The following DCLK2 variants were observed in gnomAD, a reference collection of about 807,000 sequenced individuals.
DCLK2 encodes the protein serine/threonine-protein kinase DCLK2.
A neutral mutation model predicts 78.4 loss-of-function variants in DCLK2; 31 were observed. The observed-to-expected ratio is 0.40, with a 90% CI of 0.30 to 0.53. DCLK2 has a LOEUF of 0.53. Ranked by LOEUF, DCLK2 falls within the 20% of genes least tolerant of loss-of-function variation. The pLI is 0.61. For missense variants in DCLK2, 872 were observed against 973.7 expected, an observed-to-expected ratio of 0.90 and a Z score of 1.39; for synonymous variants, 407 against 374.9, an observed-to-expected ratio of 1.09 and a Z score of -0.99.
rs890823212 is a variant in DCLK2 at position 150,195,793 on chromosome 4, T to G, written c.860-2209T>G. Reference sequence around the variant, plus strand: ...TTAGAAGTTGGTGAGAGCTATTGATTTATTCCTTCTTGATCTCGAGTTACT... The same window carrying G: ...TTAGAAGTTGGTGAGAGCTATTGATGTATTCCTTCTTGATCTCGAGTTACT... On this transcript the variant is annotated intron_variant, in intron 3 of 15. Coordinates refer to ENST00000296550, the MANE Select transcript of DCLK2 (RefSeq NM_001040260.4). 7.2e-5 allele frequency among the ~76,000 whole-genome samples: 11 copies of G among 151,792 alleles called. No homozygotes were observed. The East Asian group carries it at 2.1e-3, about 30-fold the overall frequency.
chr4:150,089,669 T>C (rs1367337610), intron 1 of DCLK2, among the ~76,000 whole-genome samples: 1 of 152,204 alleles, frequency 6.6e-6, no homozygotes, highest in Non-Finnish European at 1.5e-5. Flanking sequence ...TTTGTAAATA[T>C]AAAATTAGGT....
At chr4:150,156,532 A>G (rs896074192) in intron 2 of DCLK2, among the ~76,000 whole-genome samples, 21 of 151,036 alleles carry the variant, frequency 1.4e-4, no homozygotes, top group African/African-American at 4.6e-4. Flanking sequence ...ATAGCCGGGC[A>G]TGGTGGCACA....
chr4:150,224,647 G>A, intron 8 of DCLK2, 89 bp downstream of exon 8: 1 of 1,070,732 alleles, frequency 9.3e-7, no homozygotes, highest in Non-Finnish European at 1.4e-6. Context: ...GTGGGGACTT[G>A]ACACAACTAT....
chr4:150,236,671 G>T (rs74363038), intron 10 of DCLK2, among the ~76,000 whole-genome samples: 4,460 of 152,184 alleles, frequency 0.029, 205 homozygotes, highest in African/African-American at 0.098. Flanking sequence ...TCTAGAGAGA[G>T]ATATATGTAT....
chr4:150,106,930 T>C (rs542674219), intron 2 of DCLK2, among the ~76,000 whole-genome samples: 1 of 152,362 alleles, frequency 6.6e-6, no homozygotes, highest in African/African-American at 2.4e-5. Flanking sequence ...TTTAGGACTT[T>C]GTCTGTATTA....
In DCLK2 at chr4:150,235,293, G is replaced by A. The variant is rs1039606022; in HGVS notation, c.1566+2465G>A. Among the ~76,000 whole-genome samples the A allele has an allele frequency of 7.9e-5, 12 of 152,168 alleles. No individual in the cohort carries two copies. In the East Asian group the frequency reaches 9.6e-4, roughly 12 times the overall value. ...TAATGTATGTAAAGAATCTGACACCGCCTCCTTTTTTCTTGTCACACATCA... is the reference window on the plus strand; with the variant it reads ...TAATGTATGTAAAGAATCTGACACCACCTCCTTTTTTCTTGTCACACATCA... On this transcript the variant is annotated intron_variant, in intron 10 of 15. Transcript: ENST00000296550.
intron 8 of DCLK2, among the ~76,000 whole-genome samples, chr4:150,225,909 C>G (rs1741569775): frequency 2.0e-5 from 3 of 151,984 alleles, no homozygotes; most frequent in Admixed American, 6.6e-5. Context: ...TTATCGACAC[C>G]TAGAACATAA....
At chr4:150,100,304 A>C (rs924702589) in intron 1 of DCLK2, among the ~76,000 whole-genome samples, 1 of 152,216 alleles carries the variant, frequency 6.6e-6, no homozygotes, top group Non-Finnish European at 1.5e-5. Context: ...CAAATTAAGG[A>C]GCTTCCTTTA....
chr4:150,232,533 G>GT (rs1275703566), intron 9 of DCLK2, 77 bp downstream of exon 9: 1 of 1,563,750 alleles, frequency 6.4e-7, no homozygotes. Flanking sequence ...TCAGAAAAGT[G>GT]TATTGCTACC....
intron 2 of DCLK2, among the ~76,000 whole-genome samples, chr4:150,159,934 A>G (rs957511205): frequency 6.6e-6 from 1 of 152,090 alleles, no homozygotes. Context: ...GGTAATAAGC[A>G]AGTGTGACTT....
chr4:150,231,854 T>C (rs1452989898), intron 8 of DCLK2, among the ~76,000 whole-genome samples: 1 of 152,210 alleles, frequency 6.6e-6, no homozygotes, highest in Admixed American at 6.5e-5. Flanking sequence ...AAATTCAAAT[T>C]CATGTTAGTA....
chr4:150,098,150 A>G (rs1730599432), intron 1 of DCLK2, among the ~76,000 whole-genome samples: 2 of 152,134 alleles, frequency 1.3e-5, no homozygotes, highest in Admixed American at 1.3e-4. Flanking sequence ...AGAAGGCAGG[A>G]CAATCCTATG....
At chr4:150,093,868 G>A (rs115896344) in intron 1 of DCLK2, among the ~76,000 whole-genome samples, 3,818 of 152,188 alleles carry the variant, frequency 0.025, 77 homozygotes, top group Non-Finnish European at 0.04. Flanking sequence ...CAGACACATG[G>A]AACAATGTAA....
chr4:150,098,698 CTTTTTTTTTTTT>C (rs59616581), intron 1 of DCLK2, among the ~76,000 whole-genome samples: 1 of 129,106 alleles, frequency 7.7e-6, no homozygotes. Flanking sequence ...TTTTCTTTTT[CTTTTTTTTTTTT>C]TTTTGGCAGA....
chr4:150,142,680 C>T (rs1181172134), intron 2 of DCLK2, among the ~76,000 whole-genome samples: 1 of 152,014 alleles, frequency 6.6e-6, no homozygotes, highest in Non-Finnish European at 1.5e-5. Flanking sequence ...GATTCGATAC[C>T]CTTGGATCCG....
rs751255369 is a variant in DCLK2 at position 150,256,179 on chromosome 4, AC to A, written c.2239del (p.His747ThrfsTer153). On this transcript the variant is annotated frameshift_variant, in exon 16 of 16. Coordinates refer to ENST00000296550, the MANE Select transcript of DCLK2 (RefSeq NM_001040260.4). LOFTEE classifies it high-confidence loss of function. ...GGCCCCCACCCCTCCGGAATCTCCCACCCCCCACCCTCCTCCCGCTGCCCCG... is the reference window on the plus strand; with the variant it reads ...GGCCCCCACCCCTCCGGAATCTCCCACCCCCACCCTCCTCCCGCTGCCCCG... ...VPAPTPPESPTPHPPPAAPGG... is the reference protein window; with the variant it reads ...VPAPTPPESPXPHPPPAAPGG... The A allele has an allele frequency of 2.4e-6, 3 of 1,272,860 alleles. No homozygotes were observed. The highest frequency in any genetic ancestry group is 2.8e-5 in the South Asian group (2 of 70,634). 78.8% of individuals were successfully genotyped at this position (1,272,860 alleles called of 1,614,324 possible).
intron 1 of DCLK2, among the ~76,000 whole-genome samples, chr4:150,099,150 C>G (rs1730689344): frequency 6.6e-6 from 1 of 152,164 alleles, no homozygotes. Flanking sequence ...CCTACAGTAC[C>G]AAGAATCTGT....
intron 1 of DCLK2, among the ~76,000 whole-genome samples, chr4:150,095,850 A>G (rs1730419979): frequency 6.6e-6 from 1 of 152,218 alleles, no homozygotes; most frequent in African/African-American, 2.4e-5. Context: ...GAGGAAGGTT[A>G]TTTCCGGCGT....
At chr4:150,146,104 G>C (rs1056347542) in intron 2 of DCLK2, among the ~76,000 whole-genome samples, 6 of 152,106 alleles carry the variant, frequency 3.9e-5, no homozygotes, top group Non-Finnish European at 7.4e-5. Context: ...GTGATATTAA[G>C]GGCCCTTGAC....
Sources: gnomAD v4.1 joint callset for allele counts (sites outside exome capture counted in the v4.1 genomes callset) on GRCh38, gnomAD v4.1.1 for gene constraint, MANE v1.5 for transcripts, NCBI Gene and HGNC (gene_info 2026-07-23, HGNC 2026-07-21) for gene names.